Variants in ARHGAP6 observed in about 807,000 individuals in gnomAD.
ARHGAP6 encodes the protein Rho GTPase activating protein 6, also known as rho GTPase-activating protein 6.
Under a neutral mutation model 55.7 loss-of-function variants are expected in ARHGAP6, and 16 were observed. That is an observed-to-expected ratio of 0.29 (90% confidence interval 0.19 to 0.44). The LOEUF (loss-of-function observed/expected upper bound fraction) is 0.44, where lower values mean the gene tolerates loss of function less well. Among genes scored for constraint, ARHGAP6 ranks in the 20% least tolerant of loss-of-function variants. The pLI, the probability that ARHGAP6 is intolerant of heterozygous loss-of-function variation, is 1.00. For synonymous variants in ARHGAP6, 382 were observed against 360.9 expected (o/e 1.06, Z -0.66); for missense variants, 698 against 808.9 (o/e 0.86, Z 1.66).
At chrX:11,450,549 C>T (rs761220577) in intron 1 of ARHGAP6, among the ~76,000 whole-genome samples, 3 of 111,558 alleles carry the variant, frequency 2.7e-5, no homozygotes, top group Admixed American at 1.9e-4. Flanking sequence ...TTGTAATGCA[C>T]GTTCTTCCAA....
intron 2 of ARHGAP6, among the ~76,000 whole-genome samples, chrX:11,203,322 C>T (rs757548461): frequency 8.9e-6 from 1 of 112,013 alleles, no homozygotes; most frequent in Non-Finnish European, 1.9e-5. Context: ...GCAAGGATTT[C>T]ACAGGGTTGA....
intron 1 of ARHGAP6, among the ~76,000 whole-genome samples, chrX:11,647,702 T>C (rs1246026112): frequency 8.9e-6 from 1 of 112,034 alleles, no homozygotes; most frequent in Non-Finnish European, 1.9e-5. Flanking sequence ...GCTGATTGGG[T>C]GAAAAGCATC....
chrX:11,271,861 A>G (rs1349588666), intron 1 of ARHGAP6, among the ~76,000 whole-genome samples: 1 of 112,005 alleles, frequency 8.9e-6, no homozygotes, highest in Non-Finnish European at 1.9e-5. Flanking sequence ...AGGCTGCAGA[A>G]AAAGTCTAGC....
intron 1 of ARHGAP6, among the ~76,000 whole-genome samples, chrX:11,559,707 C>T (rs1017929424): frequency 9.1e-6 from 1 of 110,200 alleles, no homozygotes; most frequent in Non-Finnish European, 1.9e-5. Flanking sequence ...GAGGGTGGAT[C>T]ACGAGGTCAG....
chrX:11,411,840 T>C (rs184399951), intron 1 of ARHGAP6, among the ~76,000 whole-genome samples: 1 of 111,652 alleles, frequency 9.0e-6, no homozygotes, highest in African/African-American at 3.2e-5. Context: ...TAATTTACAT[T>C]CTATAAACTT....
chrX:11,411,869 G>A (rs779622775), intron 1 of ARHGAP6, among the ~76,000 whole-genome samples: 26 of 111,005 alleles, frequency 2.3e-4, no homozygotes, highest in South Asian at 3.8e-4. Flanking sequence ...AACTTACTGC[G>A]TTGGATAACC....
At chrX:11,604,385 A>T (rs969535794) in intron 1 of ARHGAP6, among the ~76,000 whole-genome samples, 2 of 111,893 alleles carry the variant, frequency 1.8e-5, no homozygotes, top group Non-Finnish European at 3.8e-5. Context: ...TAAGTGATTT[A>T]GTCACTGAGT....
At chrX:11,149,090 C>T (rs2045738571) in intron 10 of ARHGAP6, among the ~76,000 whole-genome samples, 1 of 111,949 alleles carries the variant, frequency 8.9e-6, no homozygotes, top group Admixed American at 9.4e-5. Flanking sequence ...AAGCTAACAC[C>T]CTGGGCATAA....
intron 1 of ARHGAP6, among the ~76,000 whole-genome samples, chrX:11,422,145 A>G (rs2049830247): frequency 9.0e-6 from 1 of 111,701 alleles, no homozygotes; most frequent in Non-Finnish European, 1.9e-5. Flanking sequence ...GGTGATGTGA[A>G]CAATGAGGGA....
At chrX:11,406,627 CG>C (rs1203697397) in intron 1 of ARHGAP6, among the ~76,000 whole-genome samples, 2 of 111,365 alleles carry the variant, frequency 1.8e-5, no homozygotes, top group Non-Finnish European at 3.8e-5. Context: ...GGTTGGCCAT[CG>C]TGGTTACTCC....
intron 1 of ARHGAP6, among the ~76,000 whole-genome samples, chrX:11,542,483 GA>G (rs112836400): frequency 2.3e-4 from 24 of 103,266 alleles, no homozygotes; most frequent in African/African-American, 4.2e-4. Flanking sequence ...TCGATAAAAA[GA>G]AAAAAAAAAG....
At chrX:11,532,379 G>A (rs1176769474) in intron 1 of ARHGAP6, among the ~76,000 whole-genome samples, 2 of 112,473 alleles carry the variant, frequency 1.8e-5, no homozygotes, top group Non-Finnish European at 3.8e-5. Context: ...GGTGGACTGT[G>A]TTAGAGACTG....
chrX:11,329,410 C>G (rs1271196667), intron 1 of ARHGAP6, among the ~76,000 whole-genome samples: 1 of 112,222 alleles, frequency 8.9e-6, no homozygotes, highest in Non-Finnish European at 1.9e-5. Context: ...TAGAAAACGT[C>G]AAGCCATTCT....
chrX:11,600,333 G>T (rs2051954252), intron 1 of ARHGAP6, among the ~76,000 whole-genome samples: 1 of 112,198 alleles, frequency 8.9e-6, no homozygotes, highest in Non-Finnish European at 1.9e-5. Context: ...TGAACATGGG[G>T]GAAGAAACAC....
chrX:11,453,295 A>AATATATATATATAGTATATATATAGC (rs2050163434), intron 1 of ARHGAP6, among the ~76,000 whole-genome samples: 3 of 97,601 alleles, frequency 3.1e-5, no homozygotes, highest in Admixed American at 1.2e-4. Flanking sequence ...ATATATACAT[A>AATATATATATATAGTATATATATAGC]ATATATATAT....
intron 1 of ARHGAP6, among the ~76,000 whole-genome samples, chrX:11,500,634 G>A (rs2050666804): frequency 1.1e-5 from 1 of 91,309 alleles, no homozygotes; most frequent in Non-Finnish European, 2.1e-5. Context: ...CCACTGCACT[G>A]TACCCCGGGA....
At chrX:11,535,831 C>G (rs1243733670) in intron 1 of ARHGAP6, among the ~76,000 whole-genome samples, 1 of 112,058 alleles carries the variant, frequency 8.9e-6, no homozygotes, top group Non-Finnish European at 1.9e-5. Context: ...GCAAAAAATT[C>G]CATTTCCCAT....
intron 1 of ARHGAP6, chrX:11,318,615 G>A (rs1018180563): frequency 1.8e-5 from 2 of 112,111 alleles, no homozygotes; most frequent in African/African-American, 6.5e-5. Context: ...AAATTATTAG[G>A]TTGGTACAAA....
intron 1 of ARHGAP6, among the ~76,000 whole-genome samples, chrX:11,481,300 T>A: frequency 8.9e-6 from 1 of 112,095 alleles, no homozygotes. Context: ...TAAGAGTAAT[T>A]TTTTTTCACA....
Sources: allele counts gnomAD v4.1 joint callset (sites outside exome capture counted in the v4.1 genomes callset), GRCh38; gene constraint gnomAD v4.1.1; transcripts MANE v1.5; gene names NCBI Gene and HGNC (gene_info 2026-07-23, HGNC 2026-07-21).